The following SH3GL2 variants were observed in gnomAD, a reference collection of about 807,000 sequenced individuals.
SH3GL2 encodes endophilin-A1.
In SH3GL2, 24 loss-of-function variants were observed where a neutral mutation model predicts 46.0. The observed-to-expected ratio is 0.52, with a 90% confidence interval of 0.38 to 0.73. The LOEUF (loss-of-function observed/expected upper bound fraction) is 0.73. SH3GL2 is among the 30% of genes least tolerant of loss of function. The pLI is 0.00. For missense variants in SH3GL2, 413 were observed against 424.2 expected, an observed-to-expected ratio of 0.97 and a Z score of 0.23; for synonymous variants, 196 against 147.1, an observed-to-expected ratio of 1.33 and a Z score of -2.40.
intron 3 of SH3GL2, among the ~76,000 whole-genome samples, chr9:17,762,646 A>G (rs183272884): frequency 3.9e-5 from 6 of 152,300 alleles, no homozygotes; most frequent in African/African-American, 1.4e-4. Flanking sequence ...AGGGAGGAAA[A>G]TATGGAAGAA....
intron 1 of SH3GL2, among the ~76,000 whole-genome samples, chr9:17,738,544 A>G (rs925491945): frequency 5.2e-5 from 4 of 77,260 alleles, no homozygotes; most frequent in African/African-American, 8.6e-5. Context: ...ATATATACAT[A>G]AGTGTGTGTG....
intron 3 of SH3GL2, among the ~76,000 whole-genome samples, chr9:17,771,529 CT>C (rs1263338544): frequency 7.2e-5 from 11 of 152,190 alleles, no homozygotes; most frequent in African/African-American, 2.4e-4. Context: ...CCTCTATTTG[CT>C]CTGAAAACCT....
intron 3 of SH3GL2, among the ~76,000 whole-genome samples, chr9:17,769,779 T>C (rs897620050): frequency 1.3e-5 from 2 of 152,204 alleles, no homozygotes; most frequent in Non-Finnish European, 2.9e-5. Context: ...ATTTCTCATA[T>C]AGAACGTAAT....
chr9:17,785,852 G>A (rs547970679), intron 3 of SH3GL2, among the ~76,000 whole-genome samples: 60 of 152,118 alleles, frequency 3.9e-4, no homozygotes, highest in Non-Finnish European at 1.5e-4. Flanking sequence ...CAGAATCTTA[G>A]TTGAGAAATG....
intron 3 of SH3GL2, among the ~76,000 whole-genome samples, chr9:17,778,029 A>G (rs1008253461): frequency 1.3e-5 from 2 of 151,934 alleles, no homozygotes; most frequent in Non-Finnish European, 2.9e-5. Flanking sequence ...TGGGAGTGCC[A>G]TATTTATACA....
chr9:17,732,336 T>C (rs1563831199), intron 1 of SH3GL2, among the ~76,000 whole-genome samples: 1 of 152,178 alleles, frequency 6.6e-6, no homozygotes, highest in East Asian at 1.9e-4. Flanking sequence ...TTCAGGGGAA[T>C]GATATCAAAG....
chr9:17,686,509 A>G (rs1170673856), intron 1 of SH3GL2, among the ~76,000 whole-genome samples: 5 of 147,182 alleles, frequency 3.4e-5, no homozygotes, highest in African/African-American at 1.2e-4. Flanking sequence ...TTGCGGCATT[A>G]TCCACAATAG....
intron 1 of SH3GL2, among the ~76,000 whole-genome samples, chr9:17,702,831 C>G (rs907554257): frequency 2.0e-5 from 3 of 151,986 alleles, no homozygotes; most frequent in Non-Finnish European, 4.4e-5. Flanking sequence ...GATTAATATA[C>G]TGCAGAAATT....
At chr9:17,616,420 A>C (rs1305208082) in intron 1 of SH3GL2, among the ~76,000 whole-genome samples, 1 of 152,154 alleles carries the variant, frequency 6.6e-6, no homozygotes, top group East Asian at 1.9e-4. Context: ...AATTAAAATC[A>C]ACAAGGAGAA....
intron 2 of SH3GL2, among the ~76,000 whole-genome samples, chr9:17,754,115 T>C (rs1485934320): frequency 2.6e-5 from 4 of 152,232 alleles, no homozygotes; most frequent in Non-Finnish European, 5.9e-5. Context: ...GATAGCATGA[T>C]GACTCCAGCT....
intron 1 of SH3GL2, among the ~76,000 whole-genome samples, chr9:17,635,670 T>C (rs1819526769): frequency 6.6e-6 from 1 of 152,106 alleles, no homozygotes; most frequent in African/African-American, 2.4e-5. Context: ...TGCTGTGAGA[T>C]TGGGTGCTCT....
intron 3 of SH3GL2, among the ~76,000 whole-genome samples, chr9:17,785,639 A>AT (rs1177328530): frequency 1.3e-5 from 2 of 152,146 alleles, no homozygotes; most frequent in Admixed American, 6.6e-5. Flanking sequence ...GGCTTTAACA[A>AT]TTTTTTTAAT....
At chr9:17,749,239 G>C (rs897184645) in intron 2 of SH3GL2, among the ~76,000 whole-genome samples, 2 of 152,180 alleles carry the variant, frequency 1.3e-5, no homozygotes, top group African/African-American at 4.8e-5. Flanking sequence ...AATATCCATA[G>C]TTCTGGAAAT....
At chr9:17,695,951 A>C (rs1484777974) in intron 1 of SH3GL2, among the ~76,000 whole-genome samples, 1 of 152,196 alleles carries the variant, frequency 6.6e-6, no homozygotes. Context: ...GCATCTTGAC[A>C]TGATGGGAGA....
intron 1 of SH3GL2, among the ~76,000 whole-genome samples, chr9:17,632,430 A>C (rs932326177): frequency 6.6e-6 from 1 of 152,046 alleles, no homozygotes; most frequent in Admixed American, 6.5e-5. Flanking sequence ...CACTGTTTTC[A>C]TTTTCCCATA....
rs116512057 is a variant in SH3GL2 at position 17,606,035 on chromosome 9, C to T, written c.45+26748C>T. The stretch of plus-strand genomic sequence containing the variant: ...ATGGCTTATTTTTTTCAAGTAGTCT[C>T]ATTCTACCCTTGTCAACCTTGACGG... On this transcript the variant is annotated intron_variant, in intron 1 of 8. Transcript: ENST00000380607. 4.5e-3 allele frequency among the ~76,000 whole-genome samples: 680 copies of T among 152,200 alleles called. 7 individuals are homozygous for T. Among genetic ancestry groups the T allele is most frequent in the African/African-American group, 0.016 (649 of 41,524 alleles).
At chr9:17,651,918 G>A (rs372294531) in intron 1 of SH3GL2, among the ~76,000 whole-genome samples, 1 of 151,932 alleles carries the variant, frequency 6.6e-6, no homozygotes, top group East Asian at 1.9e-4. Flanking sequence ...TGTGAGTCGG[G>A]GATCTTTGCC....
At chr9:17,765,800 G>A (rs1563845292) in intron 3 of SH3GL2, among the ~76,000 whole-genome samples, 1 of 152,084 alleles carries the variant, frequency 6.6e-6, no homozygotes, top group African/African-American at 2.4e-5. Context: ...TTTTTCATCC[G>A]CCATGAGTTC....
intron 1 of SH3GL2, among the ~76,000 whole-genome samples, chr9:17,654,818 A>G (rs532003072): frequency 2.0e-5 from 3 of 152,204 alleles, no homozygotes; most frequent in Non-Finnish European, 4.4e-5. Flanking sequence ...ATCAAAATGC[A>G]TAGAGGAAAT....
Sources: gnomAD v4.1 joint callset for allele counts (sites outside exome capture counted in the v4.1 genomes callset) on GRCh38, gnomAD v4.1.1 for gene constraint, MANE v1.5 for transcripts, NCBI Gene and HGNC (gene_info 2026-07-23, HGNC 2026-07-21) for gene names.